Variants in ATP13A4 observed in about 807,000 individuals in gnomAD.
The protein encoded by ATP13A4 is ATPase 13A4, also known as probable cation-transporting ATPase 13A4.
In ATP13A4, 114 loss-of-function variants were observed where a neutral mutation model predicts 142.5. That is an observed-to-expected ratio of 0.80 (90% CI 0.69 to 0.93). ATP13A4 has a LOEUF of 0.93. ATP13A4 is among the 40% of genes least tolerant of loss of function. The pLI is 0.00. For synonymous variants in ATP13A4, 488 were observed against 514.8 expected (o/e 0.95, Z 0.70); for missense variants, 1,392 against 1,454.0 (o/e 0.96, Z 0.69).
chr3:193,559,928 A>C (rs900836662), upstream of ATP13A4, among the ~76,000 whole-genome samples: 1 of 152,236 alleles, frequency 6.6e-6, no homozygotes, highest in Non-Finnish European at 1.5e-5. Flanking sequence ...AAAATCCAAA[A>C]GAGATGGTCC....
intron 2 of ATP13A4, among the ~76,000 whole-genome samples, chr3:193,569,074 C>G (rs1433350701): frequency 6.6e-6 from 1 of 152,174 alleles, no homozygotes; most frequent in African/African-American, 2.4e-5. Flanking sequence ...AGAAGCTTTA[C>G]AGTGGAGAGA....
intron 2 of ATP13A4, among the ~76,000 whole-genome samples, chr3:193,508,886 T>C (rs1048852637): frequency 6.6e-6 from 1 of 152,040 alleles, no homozygotes; most frequent in East Asian, 1.9e-4. Flanking sequence ...TTAAATTAAA[T>C]TAAATAACTA....
Position 193,503,580 on chromosome 3 carries a change from C to T in ATP13A4, c.235-941G>A, listed in dbSNP as rs574108072. On this transcript the variant is annotated intron_variant, in intron 2 of 29. Coordinates refer to ENST00000342695, the MANE Select transcript of ATP13A4 (RefSeq NM_032279.4). ...GTAGGTCAGAGCTGGAAATTGTCTCCACCACCACACCCATTTTTGCTATGA... is the reference window on the plus strand; with the variant it reads ...GTAGGTCAGAGCTGGAAATTGTCTCTACCACCACACCCATTTTTGCTATGA... Among the ~76,000 whole-genome samples, 71 of 152,256 alleles carry T rather than the reference C, an allele frequency of 4.7e-4. 2 individuals are homozygous for T. In the South Asian group the frequency reaches 0.014, roughly 31 times the overall value.
intron 1 of ATP13A4, among the ~76,000 whole-genome samples, chr3:193,542,754 G>A (rs140577285): frequency 1.7e-3 from 260 of 152,314 alleles, no homozygotes; most frequent in African/African-American, 5.9e-3. Context: ...AATAAATGGT[G>A]CTGGGAAAAC....
At chr3:193,551,096 G>T (rs989617996) in intron 1 of ATP13A4, among the ~76,000 whole-genome samples, 2 of 152,150 alleles carry the variant, frequency 1.3e-5, no homozygotes, top group Admixed American at 6.5e-5. Flanking sequence ...ATTTATAAGT[G>T]GTCTCTACGG....
chr3:193,436,880 G>A (rs1418885309), intron 23 of ATP13A4, among the ~76,000 whole-genome samples: 8 of 140,616 alleles, frequency 5.7e-5, no homozygotes, highest in East Asian at 4.0e-4. Flanking sequence ...CGAGGCGGGC[G>A]GATCACGAGG....
rs200876454 is a variant in ATP13A4 at position 193,467,438 on chromosome 3, G to A, written c.992C>T (p.Ser331Phe). ...TTCACTCTGTGTTTTCCAGGGCACA[G>A]AGCTATCCATCTTGGGTAACGGAGT... The part of the protein sequence containing the change: ...TKTPLPKMDS[S>F]VPWKTQSEAD... The change falls in exon 10 of 30, where the codon TCT becomes TTT. Residue 331 changes from serine to phenylalanine, a missense_variant. Transcript: ENST00000342695. 1 of 1,613,990 alleles carries A rather than the reference G, an allele frequency of 6.2e-7. No individual in the cohort carries two copies. Among genetic ancestry groups the A allele is most frequent in the African/African-American group, 1.3e-5 (1 of 75,034 alleles).
At chr3:193,541,199 A>T (rs2108715933) in intron 1 of ATP13A4, among the ~76,000 whole-genome samples, 1 of 145,322 alleles carries the variant, frequency 6.9e-6, no homozygotes, top group African/African-American at 2.5e-5. Context: ...CAGTGAGCCG[A>T]GATCGAGCCA....
At position 193,542,494 on chromosome 3, in the gene ATP13A4, C is replaced by CA. The variant is rs778153087; in HGVS notation, c.60+12245dup. On this transcript the variant is annotated intron_variant, in intron 1 of 29. Transcript: ENST00000342695. The stretch of plus-strand genomic sequence containing the variant: ...ACTACTTTAAAATTTATATGGTACC[C>CA]AAAAAAAAAAGAGTCCCCATAGCCA... Among the ~76,000 whole-genome samples, 215 of 143,530 alleles carry CA rather than the reference C, an allele frequency of 1.5e-3. 1 individual carries two copies. Among genetic ancestry groups the CA allele is most frequent in the African/African-American group, 3.3e-3 (129 of 39,154 alleles). 94.2% of individuals were successfully genotyped at this position (143,530 alleles called of 152,430 possible).
intron 28 of ATP13A4, among the ~76,000 whole-genome samples, chr3:193,409,323 A>G (rs552481576): frequency 6.6e-6 from 1 of 152,090 alleles, no homozygotes; most frequent in East Asian, 1.9e-4. Context: ...CACATTCTAC[A>G]TTTTCTAAAA....
chr3:193,511,561 C>G (rs991837621), intron 2 of ATP13A4, among the ~76,000 whole-genome samples: 4 of 152,180 alleles, frequency 2.6e-5, no homozygotes, highest in Non-Finnish European at 5.9e-5. Context: ...GTATAGAACA[C>G]TTTTGGAATG....
intron 12 of ATP13A4, 74 bp downstream of exon 12, chr3:193,464,865 AG>A: frequency 6.7e-7 from 1 of 1,489,994 alleles, no homozygotes; most frequent in African/African-American, 1.4e-5. Context: ...CTGCCTTGCA[AG>A]GGGGTAAAAG....
rs73063988 is a variant in ATP13A4, at chr3:193,570,452, C to G, written n.291+11255G>C. On this transcript the variant is annotated intron_variant and non_coding_transcript_variant, in intron 2 of 3. Coordinates refer to the ATP13A4 transcript ENST00000489140. ...TTTCTTAATTATTTATCATTAGAAC[C>G]ATGTATGACATGCTAATTATAAATT... Among the ~76,000 whole-genome samples the G allele has an allele frequency of 7.2e-3, 1,091 of 152,194 alleles. 11 individuals carry two copies. Among genetic ancestry groups the G allele is most frequent in the African/African-American group, 0.021 (880 of 41,512 alleles).
rs183560919 is a variant in ATP13A4, at chr3:193,472,635, G to C, written c.809-1642C>G. Among the ~76,000 whole-genome samples, 78 of 152,320 alleles carry C rather than the reference G, an allele frequency of 5.1e-4. 2 individuals carry two copies. The highest frequency in any genetic ancestry group is 1.8e-3 in the African/African-American group (75 of 41,564). On this transcript the variant is annotated intron_variant, in intron 8 of 29. Transcript: ENST00000342695. ...GTGCGTCGCACCTCAAACTGCAAACGTTACAACCACAGTGTGTAAGTGCTT... is the reference window on the plus strand; with the variant it reads ...GTGCGTCGCACCTCAAACTGCAAACCTTACAACCACAGTGTGTAAGTGCTT...
In ATP13A4 at chr3:193,407,326, G is replaced by A. The variant is rs1277356448; in HGVS notation, c.3365C>T (p.Ser1122Phe). ...CAGCACACTTACCTCGGCCACAAGG[G>A]ACACAATGAAATTCAAGCTGAGCAT... ...VIMLSLNFIV[S>F]LVAEEAVIEN... The change falls in exon 29 of 30, where the codon TCC becomes TTC. Residue 1122 changes from serine (S) to phenylalanine (F), a missense_variant. By Grantham distance (155) the Ser-to-Phe change is radical. Transcript: ENST00000342695. 1 of 1,612,614 alleles carries A rather than the reference G, an allele frequency of 6.2e-7. No homozygotes were observed. The highest frequency in any genetic ancestry group is 8.5e-7 in the Non-Finnish European group (1 of 1,178,866).
At chr3:193,455,134 C>T (rs1230879659) in intron 16 of ATP13A4, among the ~76,000 whole-genome samples, 10 of 151,834 alleles carry the variant, frequency 6.6e-5, no homozygotes, top group African/African-American at 1.7e-4. Context: ...GTCAGGAAAT[C>T]GAGACCATCC....
intron 17 of ATP13A4, among the ~76,000 whole-genome samples, chr3:193,453,403 G>A (rs1426752534): frequency 6.6e-6 from 1 of 151,934 alleles, no homozygotes; most frequent in African/African-American, 2.4e-5. Flanking sequence ...CATAAGCAGT[G>A]GTGGCTGACA....
chr3:193,474,919 T>A (rs1036202145), intron 8 of ATP13A4, among the ~76,000 whole-genome samples: 2 of 152,030 alleles, frequency 1.3e-5, no homozygotes, highest in African/African-American at 4.8e-5. Flanking sequence ...AATTACTTTC[T>A]AAAAAAGAGA....
intron 1 of ATP13A4, among the ~76,000 whole-genome samples, chr3:193,548,050 C>T (rs1723324118): frequency 6.6e-6 from 1 of 152,050 alleles, no homozygotes; most frequent in South Asian, 2.1e-4. Context: ...TAAAGTATCT[C>T]ATAGAAAAAT....
Sources: gnomAD v4.1 joint callset for allele counts (sites outside exome capture counted in the v4.1 genomes callset) on GRCh38, gnomAD v4.1.1 for gene constraint, MANE v1.5 for transcripts, NCBI Gene and HGNC (gene_info 2026-07-23, HGNC 2026-07-21) for gene names.